RBM26: variants seen among roughly 807,000 people sequenced by gnomAD.
RBM26 encodes the protein RNA-binding protein 26.
RBM26 carries 30 observed loss-of-function variants against 123.6 expected under a neutral mutation model. The observed-to-expected ratio is 0.24, with a 90% CI of 0.18 to 0.33. The LOEUF is 0.33. Among genes scored for constraint, RBM26 ranks in the 10% least tolerant of loss-of-function variants. The pLI, the probability that RBM26 is intolerant of heterozygous loss-of-function variation, is 1.00. For synonymous variants in RBM26, 400 were observed against 404.4 expected (o/e 0.99, Z 0.13); for missense variants, 947 against 1,203.6 (o/e 0.79, Z 3.15).
At chr13:79,313,639 A>C (rs1413340997) in exon 5 of RBM26, 1 of 151,810 alleles carries the variant, frequency 6.6e-6, no homozygotes, top group East Asian at 1.9e-4. Flanking sequence ...AAGTCTAACA[A>C]CAACAACAAA....
chr13:79,394,376 G>A (rs1470151493), intron 1 of RBM26, among the ~76,000 whole-genome samples: 3 of 152,122 alleles, frequency 2.0e-5, no homozygotes, highest in African/African-American at 4.8e-5. Context: ...TGCCATTTGC[G>A]AGTCCTTACC....
In RBM26 at chr13:79,322,395, T is replaced by C. The variant is rs766852882; in HGVS notation, c.2888A>G (p.Asn963Ser). 4.4e-6 allele frequency: 7 copies of C among 1,582,072 alleles called. No individual in the cohort carries two copies. Among genetic ancestry groups the C allele is most frequent in the Non-Finnish European group, 6.0e-6 (7 of 1,167,152 alleles). ...TTCTTCTGTTTCAACAGCTGAAATA[T>C]TAGTTACTGGTTTATTCCATGCCAG... ...LKLAWNKPVT[N>S]ISAVETEEVE... The change falls in exon 21 of 22, where the codon AAT becomes AGT. Residue 963 changes from asparagine to serine, a missense_variant. Asn to Ser is a conservative substitution (Grantham distance 46). Around this residue, in one of 5 missense-constraint regions of RBM26, gnomAD observed 164 missense variants for 215.3 expected, o/e 0.76. Coordinates refer to ENST00000438737, the MANE Select transcript of RBM26 (RefSeq NM_001366735.2).
At chr13:79,375,063 T>TTTATATGATATATAAA (rs2076520839) in intron 3 of RBM26, among the ~76,000 whole-genome samples, 1 of 57,634 alleles carries the variant, frequency 1.7e-5, no homozygotes, top group Non-Finnish European at 4.3e-5. Context: ...ATTTATATTT[T>TTTATATGATATATAAA]TATATATTTA....
intron 19 of RBM26, among the ~76,000 whole-genome samples, chr13:79,335,682 C>G (rs961145213): frequency 2.6e-5 from 4 of 152,082 alleles, no homozygotes; most frequent in African/African-American, 9.7e-5. Context: ...TGTCCAAATG[C>G]ATGTCAGAAT....
intron 20 of RBM26, among the ~76,000 whole-genome samples, chr13:79,331,358 T>C (rs2765080): frequency 0.99 from 149,804 of 151,798 alleles, 73,960 homozygotes; most frequent in Non-Finnish European, 1. Context: ...CAGTGGCTCA[T>C]GCCTGTAACC....
intron 6 of RBM26, among the ~76,000 whole-genome samples, chr13:79,367,519 C>G (rs1170685325): frequency 6.6e-6 from 1 of 151,114 alleles, no homozygotes; most frequent in Non-Finnish European, 1.5e-5. Flanking sequence ...GGGGGTAGAT[C>G]CTTCATGAAT....
downstream of RBM26, chr13:79,315,113 G>T: frequency 2.0e-6 from 1 of 499,472 alleles, no homozygotes; most frequent in East Asian, 7.1e-5. Flanking sequence ...ATTTGAGAAA[G>T]AAATCAAAAT....
chr13:79,337,726 TAC>T (rs1346107736), intron 18 of RBM26, among the ~76,000 whole-genome samples: 4 of 152,196 alleles, frequency 2.6e-5, no homozygotes, highest in Non-Finnish European at 5.9e-5. Flanking sequence ...CTTCAATAGG[TAC>T]AGTTATCTCA....
chr13:79,319,290 A>C lies in RBM26; in HGVS notation c.*1331T>G. ...GTGATTTTTTAATATTATCACTATA[A>C]TCTCAAGAGAGGCAGAAACACTTGC... On this transcript the variant is annotated 3_prime_UTR_variant, in exon 22 of 22. Transcript: ENST00000438737. 1 of 983,278 alleles carries C rather than the reference A, an allele frequency of 1.0e-6. No individual in the cohort carries two copies. Among genetic ancestry groups the C allele is most frequent in the South Asian group, 4.7e-5 (1 of 21,260 alleles). 60.9% of individuals were successfully genotyped at this position (983,278 alleles called of 1,614,324 possible). A position where few individuals can be genotyped will look rare whatever the true frequency, so the allele number is the denominator to read the frequency against.
At chr13:79,341,030 T>G in intron 18 of RBM26, 93 bp downstream of exon 18, 6 of 659,976 alleles carry the variant, frequency 9.1e-6, no homozygotes, top group East Asian at 2.9e-5. Flanking sequence ...CAATTACTAA[T>G]GAGAATGAAG....
chr13:79,392,010 T>C (rs1384335320), intron 1 of RBM26, among the ~76,000 whole-genome samples: 5 of 19,338 alleles, frequency 2.6e-4, no homozygotes, highest in African/African-American at 1.4e-3. Flanking sequence ...TATAATTATA[T>C]ATTATACATT....
intron 1 of RBM26, among the ~76,000 whole-genome samples, chr13:79,397,894 G>A (rs1211048869): frequency 1.3e-5 from 2 of 151,842 alleles, no homozygotes; most frequent in Non-Finnish European, 2.9e-5. Flanking sequence ...AATTTTAAAA[G>A]CATTTGTAAA....
At chr13:79,342,130 G>A (rs1331521470) in intron 17 of RBM26, among the ~76,000 whole-genome samples, 1 of 151,756 alleles carries the variant, frequency 6.6e-6, no homozygotes, top group Non-Finnish European at 1.5e-5. Context: ...GCCATGTGAT[G>A]TTGGGTTTGA....
chr13:79,371,997 A>G (rs978780595), intron 3 of RBM26, 67 bp from the exon 4 acceptor site: 2 of 1,136,246 alleles, frequency 1.8e-6, no homozygotes, highest in Admixed American at 2.0e-5. Flanking sequence ...AGCCTTAGAT[A>G]GGGCTGGGCA....
At chr13:79,365,964 A>C in intron 8 of RBM26, 91 bp downstream of exon 8, 1 of 1,238,100 alleles carries the variant, frequency 8.1e-7, no homozygotes, top group Non-Finnish European at 1.1e-6. Context: ...TGAGAAAAGT[A>C]GTCCTCACAG....
intron 1 of RBM26, among the ~76,000 whole-genome samples, chr13:79,399,194 T>C (rs2078853409): frequency 6.6e-6 from 1 of 152,164 alleles, no homozygotes; most frequent in East Asian, 1.9e-4. Context: ...CACTTGATCT[T>C]TGACTTCAAC....
exon 5 of RBM26, chr13:79,313,761 A>G (rs1593803239): frequency 1.3e-5 from 2 of 151,688 alleles, no homozygotes; most frequent in Non-Finnish European, 3.0e-5. Flanking sequence ...GTGGATCAAA[A>G]CAGTTAATTT....
At chr13:79,312,667 A>G (rs1338225335) in exon 5 of RBM26, 1 of 151,998 alleles carries the variant, frequency 6.6e-6, no homozygotes, top group African/African-American at 2.4e-5. Flanking sequence ...CCTCTTAACA[A>G]AACAATTTTC....
Position 79,319,835 on chromosome 13 carries a change from C to T in RBM26, c.*786G>A, listed in dbSNP as rs1277901600. 1 of 979,940 alleles carries T rather than the reference C, an allele frequency of 1.0e-6. No homozygotes were observed. Among genetic ancestry groups the T allele is most frequent in the Non-Finnish European group, 1.2e-6 (1 of 826,190 alleles). 60.7% of individuals were successfully genotyped at this position (979,940 alleles called of 1,614,324 possible). A position where few individuals can be genotyped will look rare whatever the true frequency, so the allele number is the denominator to read the frequency against. ...TAAGAATAAGTTAGTGATTATAGCT[C>T]CTTTTGTGATAATTGGGGGGAAGGG... On this transcript the variant is annotated 3_prime_UTR_variant, in exon 22 of 22. Coordinates refer to ENST00000438737, the MANE Select transcript of RBM26 (RefSeq NM_001366735.2).
Sources: allele counts gnomAD v4.1 joint callset (sites outside exome capture counted in the v4.1 genomes callset), GRCh38; gene constraint gnomAD v4.1.1; regional missense constraint gnomAD v4.1.1; transcripts MANE v1.5; gene names NCBI Gene and HGNC (gene_info 2026-07-23, HGNC 2026-07-21).